Variants in SLC2A9 observed in about 807,000 individuals in gnomAD.
SLC2A9 encodes solute carrier family 2 member 9.
Under a neutral mutation model 50.6 loss-of-function variants are expected in SLC2A9, and 39 were observed. The observed-to-expected ratio is 0.77, with a 90% CI of 0.60 to 1.01. The LOEUF (loss-of-function observed/expected upper bound fraction) is 1.01. Ranked by LOEUF, SLC2A9 falls within the 50% of genes least tolerant of loss-of-function variation. The probability of loss-of-function intolerance (pLI) is 0.00; values close to 1 mark genes in which losing one functional copy is unlikely to be tolerated. For missense variants in SLC2A9, 686 were observed against 677.6 expected, an observed-to-expected ratio of 1.01 and a Z score of -0.14; for synonymous variants, 324 against 276.9, an observed-to-expected ratio of 1.17 and a Z score of -1.69.
chr4:9,961,941 T>C (rs549646968), intron 5 of SLC2A9, among the ~76,000 whole-genome samples: 23 of 152,342 alleles, frequency 1.5e-4, no homozygotes, highest in Admixed American at 3.3e-4. Context: ...AAGACATTCA[T>C]GTGGTCAAGA....
intron 3 of SLC2A9, among the ~76,000 whole-genome samples, chr4:9,814,655 G>A (rs562768225): frequency 3.9e-5 from 6 of 152,298 alleles, no homozygotes; most frequent in African/African-American, 1.4e-4. Context: ...GGACAGTGGA[G>A]ACACCTGGAC....
At position 9,925,123 on chromosome 4, in the gene SLC2A9, G is replaced by A. The variant is rs939393937; in HGVS notation, c.815-4551C>T. 2.6e-5 allele frequency among the ~76,000 whole-genome samples: 4 copies of A among 152,156 alleles called. No homozygotes were observed. In the East Asian group the frequency reaches 5.8e-4, roughly 22 times the overall value. On this transcript the variant is annotated intron_variant, in intron 6 of 11. Coordinates refer to ENST00000264784, the MANE Select transcript of SLC2A9 (RefSeq NM_020041.3). ...GGCTGCTGCCCTGGAAAAGGCACTC[G>A]TCCTCCATTCCACATACCCCCATGG...
intron 3 of SLC2A9, among the ~76,000 whole-genome samples, chr4:9,788,834 G>T (rs1719548036): frequency 6.6e-6 from 1 of 152,184 alleles, no homozygotes; most frequent in Non-Finnish European, 1.5e-5. Flanking sequence ...CACGAGATAT[G>T]TCAGACTCAT....
chr4:9,783,305 G>A (rs1187122781), intron 3 of SLC2A9: 1 of 1,614,102 alleles, frequency 6.2e-7, no homozygotes, highest in African/African-American at 1.3e-5. Flanking sequence ...CCGGGAGGTG[G>A]ACAACGACGA....
upstream of SLC2A9, chr4:10,026,074 G>T (rs2109582157): frequency 8.5e-7 from 1 of 1,171,326 alleles, no homozygotes; most frequent in Non-Finnish European, 1.3e-6. Context: ...CAGGGGAGGT[G>T]GCCTGGAGCA....
At chr4:9,838,515 A>T (rs1727463364) in intron 10 of SLC2A9, among the ~76,000 whole-genome samples, 1 of 152,226 alleles carries the variant, frequency 6.6e-6, no homozygotes, top group Non-Finnish European at 1.5e-5. Flanking sequence ...TTTAAAATTC[A>T]TGTGGAACCA....
chr4:9,788,109 G>A (rs1421366929), intron 3 of SLC2A9, among the ~76,000 whole-genome samples: 1 of 152,054 alleles, frequency 6.6e-6, no homozygotes, highest in Non-Finnish European at 1.5e-5. Flanking sequence ...CTTTCTAAAT[G>A]TATTGTTGGT....
intron 10 of SLC2A9, among the ~76,000 whole-genome samples, chr4:9,866,224 C>A (rs1732441586): frequency 6.6e-6 from 1 of 151,254 alleles, no homozygotes; most frequent in African/African-American, 2.4e-5. Context: ...ATTATTATAC[C>A]ATTATTATTA....
chr4:9,874,231 A>G (rs1733917705), intron 10 of SLC2A9, among the ~76,000 whole-genome samples: 1 of 147,686 alleles, frequency 6.8e-6, no homozygotes, highest in African/African-American at 2.6e-5. Context: ...TTCTAGCTCA[A>G]ATGGCACTTT....
At chr4:9,773,503 A>G (rs781316289) in intron 1 of SLC2A9, among the ~76,000 whole-genome samples, 16 of 152,370 alleles carry the variant, frequency 1.1e-4, no homozygotes, top group Middle Eastern at 3.4e-3. Context: ...AGGAGGGTCA[A>G]TGAGTTCAAA....
At chr4:9,941,371 T>G (rs1480406626) in intron 6 of SLC2A9, among the ~76,000 whole-genome samples, 1 of 151,960 alleles carries the variant, frequency 6.6e-6, no homozygotes, top group African/African-American at 2.4e-5. Context: ...GTAAAATGAG[T>G]GTATACTCCT....
At chr4:10,005,617 C>G (rs1031698217) in intron 2 of SLC2A9, among the ~76,000 whole-genome samples, 1 of 152,176 alleles carries the variant, frequency 6.6e-6, no homozygotes, top group Non-Finnish European at 1.5e-5. Flanking sequence ...ATGAGTTGCT[C>G]CAGAAGCATT....
At chr4:9,879,771 T>A in intron 10 of SLC2A9, 6 of 985,458 alleles carry the variant, frequency 6.1e-6, no homozygotes, top group Non-Finnish European at 7.2e-6. Flanking sequence ...TTTTTAAAAC[T>A]GGAATTGACA....
rs541886645 is a variant in SLC2A9, at chr4:9,782,369, G to A, written n.386-2304C>T. The A allele has an allele frequency of 3.6e-5, 58 of 1,614,056 alleles. No individual in the cohort carries two copies. The highest frequency in any genetic ancestry group is 4.7e-5 in the Non-Finnish European group (56 of 1,179,884). On this transcript the variant is annotated intron_variant and non_coding_transcript_variant, in intron 3 of 3. Coordinates refer to the SLC2A9 transcript ENST00000503803. ...TTACTGGCCCTTTGGAGCGTTCTGC[G>A]ACGTCTGGGTGGCCTTCGACATCAT...
chr4:10,012,998 A>G (rs1259646773), intron 2 of SLC2A9, among the ~76,000 whole-genome samples: 2 of 152,180 alleles, frequency 1.3e-5, no homozygotes, highest in African/African-American at 4.8e-5. Context: ...ACTAAACTGT[A>G]GGAACCAGAG....
chr4:9,772,738 A>T (rs1484008395), intron 1 of SLC2A9, among the ~76,000 whole-genome samples: 1 of 152,208 alleles, frequency 6.6e-6, no homozygotes, highest in Non-Finnish European at 1.5e-5. Context: ...CAATACAGGG[A>T]CTTGCACTTT....
chr4:9,933,577 T>C (rs917219783), intron 6 of SLC2A9, among the ~76,000 whole-genome samples: 10 of 152,228 alleles, frequency 6.6e-5, no homozygotes, highest in African/African-American at 2.4e-4. Context: ...TTCTCATCTA[T>C]AAAGCAAAAG....
At chr4:9,860,479 G>T (rs568105833) in intron 10 of SLC2A9, among the ~76,000 whole-genome samples, 1 of 152,212 alleles carries the variant, frequency 6.6e-6, no homozygotes, top group African/African-American at 2.4e-5. Flanking sequence ...ATGAATTAAC[G>T]ACTGACCCAG....
downstream of SLC2A9, among the ~76,000 whole-genome samples, chr4:9,777,968 C>A (rs1198267788): frequency 6.6e-6 from 1 of 152,204 alleles, no homozygotes; most frequent in Non-Finnish European, 1.5e-5. Context: ...AGTCTCCAAG[C>A]AGTCTCATGT....
Sources: allele counts gnomAD v4.1 joint callset (sites outside exome capture counted in the v4.1 genomes callset), GRCh38; gene constraint gnomAD v4.1.1; transcripts MANE v1.5; gene names NCBI Gene and HGNC (gene_info 2026-07-23, HGNC 2026-07-21).